TRIM9: variants seen among roughly 807,000 people sequenced by gnomAD.
TRIM9 encodes the protein E3 ubiquitin-protein ligase TRIM9.
TRIM9 carries 26 observed loss-of-function variants against 78.3 expected under a neutral mutation model. The ratio of observed to expected loss-of-function variants is 0.33; its 90% CI spans 0.24 to 0.46. The LOEUF is 0.46. Ranked by LOEUF, TRIM9 falls within the 20% of genes least tolerant of loss-of-function variation. TRIM9 has a pLI of 1.00. For missense variants in TRIM9, 787 were observed against 1,036.4 expected (o/e 0.76, Z 3.30); for synonymous variants, 398 against 416.5 (o/e 0.96, Z 0.54).
intron 1 of TRIM9, among the ~76,000 whole-genome samples, chr14:51,040,034 C>T (rs1228316198): frequency 2.0e-5 from 3 of 152,190 alleles, no homozygotes; most frequent in African/African-American, 4.8e-5. Flanking sequence ...CCGCCCGCCT[C>T]GGTCTCCCAA....
intron 5 of TRIM9, among the ~76,000 whole-genome samples, chr14:51,003,800 C>G (rs1316198717): frequency 6.6e-6 from 1 of 152,000 alleles, no homozygotes; most frequent in Non-Finnish European, 1.5e-5. Context: ...TGAATCTATT[C>G]CTCCATGTGC....
intron 1 of TRIM9, among the ~76,000 whole-genome samples, chr14:51,072,919 T>C (rs1485755044): frequency 1.3e-5 from 2 of 152,222 alleles, no homozygotes; most frequent in Non-Finnish European, 2.9e-5. Context: ...AAACTGTTTC[T>C]GATTAGTACC....
intron 9 of TRIM9, among the ~76,000 whole-genome samples, 174 bp downstream of exon 9, chr14:50,983,206 A>T (rs2052211457): frequency 2.6e-5 from 4 of 152,218 alleles, no homozygotes; most frequent in African/African-American, 7.2e-5. Flanking sequence ...CATAACATTA[A>T]ACACTACAGG....
At chr14:51,085,550 A>G (rs1311906808) in intron 1 of TRIM9, among the ~76,000 whole-genome samples, 1 of 152,254 alleles carries the variant, frequency 6.6e-6, no homozygotes, top group African/African-American at 2.4e-5. Context: ...GAACTGGAAT[A>G]CGCATATTTT....
chr14:51,027,220 T>C (rs1201665020), intron 1 of TRIM9, among the ~76,000 whole-genome samples: 1 of 142,658 alleles, frequency 7.0e-6, no homozygotes, highest in Non-Finnish European at 1.5e-5. Flanking sequence ...CTTGGCTCAC[T>C]GCAATCTCTG....
At position 50,975,668 on chromosome 14, in the gene TRIM9, CT is replaced by C. The variant is rs1157137992; in HGVS notation, c.*1622del. On this transcript the variant is annotated 3_prime_UTR_variant, in exon 13 of 13. Coordinates refer to ENST00000684578, the MANE Select transcript of TRIM9 (RefSeq NM_001387360.1). Reference sequence around the variant, plus strand: ...TTACATATATTCCTTTTTGCCAAAACTTTAATTTGTTAGCTTTCCCATCCTA... The same window carrying C: ...TTACATATATTCCTTTTTGCCAAAACTTAATTTGTTAGCTTTCCCATCCTA... 1 of 152,660 alleles carries C rather than the reference CT, an allele frequency of 6.6e-6. No individual in the cohort carries two copies. Among genetic ancestry groups the C allele is most frequent in the East Asian group, 1.9e-4 (1 of 5,188 alleles). 9.5% of individuals were successfully genotyped at this position (152,660 alleles called of 1,614,324 possible).
chr14:51,075,542 T>A (rs930938453), intron 1 of TRIM9, among the ~76,000 whole-genome samples: 1 of 152,190 alleles, frequency 6.6e-6, no homozygotes, highest in Admixed American at 6.5e-5. Flanking sequence ...CGGGAACTCA[T>A]ACCCACTGAG....
intron 1 of TRIM9, among the ~76,000 whole-genome samples, chr14:51,067,694 C>T (rs1566632472): frequency 6.6e-6 from 1 of 151,980 alleles, no homozygotes; most frequent in Non-Finnish European, 1.5e-5. Flanking sequence ...GAGGGCTGCC[C>T]CTTCTCATCA....
intron 7 of TRIM9, among the ~76,000 whole-genome samples, chr14:50,995,412 AGTG>A (rs2054075660): frequency 6.6e-6 from 1 of 152,224 alleles, no homozygotes; most frequent in African/African-American, 2.4e-5. Flanking sequence ...CCTAGCACAC[AGTG>A]GTCACTTATC....
At chr14:50,997,502 G>A (rs1349524204) in intron 7 of TRIM9, 34 of 985,762 alleles carry the variant, frequency 3.4e-5, no homozygotes, top group Non-Finnish European at 4.1e-5. Flanking sequence ...GTATGAAACG[G>A]AGGCAGTCTA....
Position 51,094,101 on chromosome 14 carries a change from G to A in TRIM9, c.822+17C>T. ...CGGAGACGCAGGGAGTTAGGAGTGG[G>A]TTTTCTTAGGACTCACCTTATGTAG... On this transcript the variant is annotated intron_variant, in intron 1 of 12. Transcript: ENST00000684578. 1 of 1,596,856 alleles carries A rather than the reference G, an allele frequency of 6.3e-7. No homozygotes were observed. Among genetic ancestry groups the A allele is most frequent in the Admixed American group, 1.7e-5 (1 of 59,638 alleles).
At chr14:51,075,083 C>T (rs1413172698) in intron 1 of TRIM9, among the ~76,000 whole-genome samples, 5 of 152,218 alleles carry the variant, frequency 3.3e-5, no homozygotes, top group Non-Finnish European at 7.3e-5. Context: ...AAATTTGCCG[C>T]TAACTGGGAC....
chr14:51,037,065 A>G (rs2059214806), intron 1 of TRIM9, among the ~76,000 whole-genome samples: 1 of 152,098 alleles, frequency 6.6e-6, no homozygotes, highest in African/African-American at 2.4e-5. Flanking sequence ...CTTTCATCCC[A>G]TGTAAACCAA....
At chr14:51,085,343 T>C (rs2063653265) in intron 1 of TRIM9, among the ~76,000 whole-genome samples, 1 of 152,238 alleles carries the variant, frequency 6.6e-6, no homozygotes, top group African/African-American at 2.4e-5. Flanking sequence ...TAGCATTCTA[T>C]TTCCAAAGCC....
At chr14:51,026,053 T>C (rs8011567) in intron 1 of TRIM9, among the ~76,000 whole-genome samples, 127,287 of 152,174 alleles carry the variant, frequency 0.84, 53,584 homozygotes, top group African/African-American at 0.89. Flanking sequence ...GGTAGGTACT[T>C]GCTCTTCCAG....
chr14:50,985,130 C>A (rs2052524852), intron 8 of TRIM9, among the ~76,000 whole-genome samples: 1 of 152,150 alleles, frequency 6.6e-6, no homozygotes, highest in African/African-American at 2.4e-5. Flanking sequence ...AGGTCTGCAT[C>A]TTATATATTT....
At chr14:50,997,693 G>T in intron 7 of TRIM9, 2 of 1,161,016 alleles carry the variant, frequency 1.7e-6, no homozygotes, top group South Asian at 5.9e-5. Context: ...CACATGATGT[G>T]TATCGGTGGA....
intron 1 of TRIM9, among the ~76,000 whole-genome samples, chr14:51,041,385 A>C (rs1483791946): frequency 6.6e-6 from 1 of 152,252 alleles, no homozygotes; most frequent in East Asian, 1.9e-4. Flanking sequence ...CCCAGAACAA[A>C]GTGCAGGGAA....
intron 7 of TRIM9, among the ~76,000 whole-genome samples, chr14:50,989,241 T>G (rs1286955758): frequency 1.3e-5 from 2 of 152,174 alleles, no homozygotes; most frequent in Non-Finnish European, 2.9e-5. Flanking sequence ...ATGACAACAT[T>G]GAGAACAGTA....
Sources: allele counts gnomAD v4.1 joint callset (sites outside exome capture counted in the v4.1 genomes callset), GRCh38; gene constraint gnomAD v4.1.1; transcripts MANE v1.5; gene names NCBI Gene and HGNC (gene_info 2026-07-23, HGNC 2026-07-21).